The following TRIM71 variants were observed in gnomAD, a reference collection of about 807,000 sequenced individuals.
TRIM71 encodes E3 ubiquitin-protein ligase TRIM71.
A neutral mutation model predicts 61.2 loss-of-function variants in TRIM71; 9 were observed. The ratio of observed to expected loss-of-function variants is 0.15; its 90% CI spans 0.09 to 0.26. The LOEUF is 0.26. TRIM71 is among the 10% of genes least tolerant of loss of function. TRIM71 has a pLI of 1.00. For synonymous variants in TRIM71, 645 were observed against 553.2 expected, an observed-to-expected ratio of 1.17 and a Z score of -2.33; for missense variants, 998 against 1,238.7, an observed-to-expected ratio of 0.81 and a Z score of 2.92.
At position 32,818,724 on chromosome 3, in the gene TRIM71, G is replaced by A; in HGVS notation, c.644G>A (p.Cys215Tyr). The change falls in exon 1 of 4, where the codon TGC becomes TAC. Residue 215 changes from cysteine to tyrosine, a missense_variant. Cys to Tyr is a radical substitution (Grantham distance 194). Coordinates refer to ENST00000383763, the MANE Select transcript of TRIM71 (RefSeq NM_001039111.3). ...GCAGCTTCTTCGCGCTGCCTCGACT[G>A]CCAGGAGCACCTGTGCGACAACTGC... The part of the protein sequence containing the change: ...GNAASSRCLD[C>Y]QEHLCDNCVR... The A allele has an allele frequency of 6.3e-7, 1 of 1,597,214 alleles. No homozygotes were observed. Among genetic ancestry groups the A allele is most frequent in the Non-Finnish European group, 8.5e-7 (1 of 1,176,856 alleles).
chr3:32,889,602 ATT>A (rs1347826428), intron 3 of TRIM71, among the ~76,000 whole-genome samples: 1 of 145,200 alleles, frequency 6.9e-6, no homozygotes, highest in African/African-American at 2.5e-5. Context: ...TATTATTATT[ATT>A]TTGAGACGGA....
rs1035571744 is a variant in TRIM71, at chr3:32,830,921, G to C, written c.852+11989G>C. Among the ~76,000 whole-genome samples, 6 of 151,890 alleles carry C rather than the reference G, an allele frequency of 4.0e-5. 1 individual carries two copies. Among genetic ancestry groups the C allele is most frequent in the Non-Finnish European group, 2.9e-5 (2 of 67,986 alleles). On this transcript the variant is annotated intron_variant, in intron 1 of 3. Transcript: ENST00000383763. ...TACCTCCTGGGTTCAAGCGATTCTC[G>C]TGCCTCAGCCTCCCCAGTAGCTGGG...
Position 32,818,113 on chromosome 3 carries a change from C to G in TRIM71, c.33C>G (p.Ile11Met), listed in dbSNP as rs376420438. The G allele has an allele frequency of 1.9e-6, 3 of 1,612,368 alleles. No individual in the cohort carries two copies. Among genetic ancestry groups the G allele is most frequent in the Non-Finnish European group, 1.7e-6 (2 of 1,179,074 alleles). MASFPETDFQICLLCKEMCGS... is the reference protein window; with the variant it reads MASFPETDFQMCLLCKEMCGS... ...CGTTCCCCGAGACCGATTTCCAGAT[C>G]TGCTTGCTGTGCAAGGAGATGTGCG... Residue 11 changes from isoleucine to methionine, a missense_variant, in exon 1 of 4, where the codon ATC becomes ATG. By Grantham distance (10) the Ile-to-Met change is conservative. This residue lies in a region of TRIM71 where 527 missense variants were observed against 427.8 expected (regional missense o/e 1.23). Transcript: ENST00000383763.
intron 1 of TRIM71, among the ~76,000 whole-genome samples, chr3:32,849,039 G>A (rs1481613620): frequency 3.9e-5 from 6 of 152,168 alleles, no homozygotes. Flanking sequence ...GGAAAACATG[G>A]GATCCTGGCC....
In TRIM71 at chr3:32,891,019, G is replaced by C; in HGVS notation, c.1815G>C (p.Lys605Asn). 1 of 1,614,050 alleles carries C rather than the reference G, an allele frequency of 6.2e-7. No homozygotes were observed. Among genetic ancestry groups the C allele is most frequent in the Non-Finnish European group, 8.5e-7 (1 of 1,180,034 alleles). ...GCAGTGAGGGTGACAGCGATGGCAAGCTCTGCCGCCCTTGGGGTGTGAGTG... is the reference window on the plus strand; with the variant it reads ...GCAGTGAGGGTGACAGCGATGGCAACCTCTGCCGCCCTTGGGGTGTGAGTG... Reference protein sequence around the residue: ...SFGSEGDSDGKLCRPWGVSVD... With the variant: ...SFGSEGDSDGNLCRPWGVSVD... Residue 605 changes from lysine (K) to asparagine (N), a missense_variant, in exon 4 of 4, where the codon AAG becomes AAC. This residue lies in a region of TRIM71 where 83 missense variants were observed against 202.7 expected (regional missense o/e 0.41). Coordinates refer to ENST00000383763, the MANE Select transcript of TRIM71 (RefSeq NM_001039111.3). This position sits in a 1 kb window ranked among gnomAD's most constrained non-coding sequence, Gnocchi z 8.2.
chr3:32,847,599 A>G (rs1056371464), intron 1 of TRIM71, among the ~76,000 whole-genome samples: 3 of 152,250 alleles, frequency 2.0e-5, no homozygotes, highest in South Asian at 2.1e-4. Context: ...GATACAGGGA[A>G]GCATCCAGGC....
intron 1 of TRIM71, among the ~76,000 whole-genome samples, chr3:32,823,621 C>T (rs904084095): frequency 2.0e-5 from 3 of 147,598 alleles, no homozygotes; most frequent in African/African-American, 7.6e-5. Context: ...GGTATTTGTT[C>T]TTTATCATTG....
intron 2 of TRIM71, among the ~76,000 whole-genome samples, chr3:32,877,596 C>T (rs187332165): frequency 2.5e-4 from 38 of 152,118 alleles, no homozygotes; most frequent in African/African-American, 4.6e-4. Context: ...TGGCTTCATG[C>T]GATCTTTCAC....
chr3:32,844,526 A>G (rs1040804663), intron 1 of TRIM71, among the ~76,000 whole-genome samples: 6 of 152,170 alleles, frequency 3.9e-5, no homozygotes, highest in Admixed American at 3.3e-4. Flanking sequence ...CCTCTGGCGT[A>G]GCTAGGAGTA....
intron 1 of TRIM71, among the ~76,000 whole-genome samples, chr3:32,842,640 G>T (rs532275570): frequency 6.6e-6 from 1 of 152,178 alleles, no homozygotes; most frequent in Non-Finnish European, 1.5e-5. Flanking sequence ...CAGAGAAGTC[G>T]GGGCAGTGAG....
chr3:32,833,294 G>A (rs1463198395), intron 1 of TRIM71, among the ~76,000 whole-genome samples: 2 of 147,608 alleles, frequency 1.4e-5, no homozygotes, highest in East Asian at 4.2e-4. Flanking sequence ...GCAGAATATC[G>A]TAATTTCTAT....
intron 2 of TRIM71, among the ~76,000 whole-genome samples, chr3:32,882,831 C>T (rs893507535): frequency 8.5e-5 from 13 of 152,140 alleles, no homozygotes; most frequent in Admixed American, 1.3e-4. Context: ...TGTGAGCCAC[C>T]GTACCCGGCC....
intron 1 of TRIM71, among the ~76,000 whole-genome samples, chr3:32,846,138 C>T (rs1318659593): frequency 7.1e-5 from 10 of 141,642 alleles, no homozygotes; most frequent in African/African-American, 1.1e-4. Flanking sequence ...TGCAGTGGCG[C>T]GATCTTGGCT....
chr3:32,888,434 C>CAAAAAAAAAAA (rs56834147), intron 3 of TRIM71, among the ~76,000 whole-genome samples: 4 of 95,842 alleles, frequency 4.2e-5, no homozygotes, highest in African/African-American at 1.8e-4. Flanking sequence ...CCATCTCTAC[C>CAAAAAAAAAAA]AAAAAAAAAA....
In TRIM71 at chr3:32,891,405, T is replaced by C; in HGVS notation, c.2201T>C (p.Leu734Pro). ...IQLFGPDGVF[L>P]NKYGFEGALW... Reference sequence around the variant, plus strand: ...CTGTTTGGGCCTGATGGTGTCTTCCTAAACAAGTATGGCTTCGAGGGGGCT... The same window carrying C: ...CTGTTTGGGCCTGATGGTGTCTTCCCAAACAAGTATGGCTTCGAGGGGGCT... The change falls in exon 4 of 4, where the codon CTA (leucine) becomes CCA (proline). Residue 734 changes from leucine (L) to proline (P), a missense_variant. Coordinates refer to ENST00000383763, the MANE Select transcript of TRIM71 (RefSeq NM_001039111.3). The surrounding 1 kb of genome is among the most constrained non-coding windows in gnomAD (Gnocchi z 8.2). The C allele has an allele frequency of 6.2e-7, 1 of 1,614,096 alleles. No individual in the cohort carries two copies. Among genetic ancestry groups the C allele is most frequent in the South Asian group, 1.1e-5 (1 of 91,082 alleles).
intron 2 of TRIM71, among the ~76,000 whole-genome samples, chr3:32,881,495 A>T (rs1696906877): frequency 6.6e-6 from 1 of 152,136 alleles, no homozygotes; most frequent in Non-Finnish European, 1.5e-5. Context: ...TGAGAGCCAG[A>T]TTTGGCCCAA....
Position 32,818,174 on chromosome 3 carries a change from T to C in TRIM71, c.94T>C (p.Ser32Pro). The C allele has an allele frequency of 6.2e-7, 1 of 1,601,216 alleles. No individual in the cohort carries two copies. Among genetic ancestry groups the C allele is most frequent in the East Asian group, 2.3e-5 (1 of 43,160 alleles). ...PAPLSSNSSASSSSSQTSTSS... is the reference protein window; with the variant it reads ...PAPLSSNSSAPSSSSQTSTSS... ...GCCGCTCTCCTCCAACTCGTCCGCG[T>C]CGTCGTCCTCCTCGCAGACGTCCAC... The change falls in exon 1 of 4, where the codon TCG becomes CCG. Residue 32 changes from serine to proline, a missense_variant. Around this residue, in one of 5 missense-constraint regions of TRIM71, gnomAD observed 527 missense variants for 427.8 expected, o/e 1.23. Coordinates refer to ENST00000383763, the MANE Select transcript of TRIM71 (RefSeq NM_001039111.3).
At chr3:32,880,973 T>C (rs1035575127) in intron 2 of TRIM71, among the ~76,000 whole-genome samples, 1 of 152,148 alleles carries the variant, frequency 6.6e-6, no homozygotes, top group African/African-American at 2.4e-5. Context: ...AATTTAGAGA[T>C]GAATTATAGA....
intron 1 of TRIM71, among the ~76,000 whole-genome samples, chr3:32,827,553 G>A (rs547154623): frequency 5.9e-5 from 9 of 152,206 alleles, no homozygotes; most frequent in East Asian, 1.9e-4. Context: ...GAGCCACCGC[G>A]CCTTGCAAGG....
Sources: gnomAD v4.1 joint callset for allele counts (sites outside exome capture counted in the v4.1 genomes callset) on GRCh38, gnomAD v4.1.1 for gene constraint, gnomAD v4.1.1 regional missense constraint, Gnocchi (gnomAD v3.1) non-coding constraint, MANE v1.5 for transcripts, NCBI Gene and HGNC (gene_info 2026-07-23, HGNC 2026-07-21) for gene names.